The following SLC66A1 variants were observed in gnomAD, a reference collection of about 807,000 sequenced individuals.
SLC66A1 encodes solute carrier family 66 member 1, also known as lysosomal amino acid transporter 1 homolog.
Under a neutral mutation model 33.0 loss-of-function variants are expected in SLC66A1, and 23 were observed. The ratio of observed to expected loss-of-function variants is 0.70; its 90% CI spans 0.50 to 0.99. The LOEUF (loss-of-function observed/expected upper bound fraction) is 0.99. SLC66A1 is among the 50% of genes least tolerant of loss of function. SLC66A1 has a pLI of 0.00. For synonymous variants in SLC66A1, 164 were observed against 175.5 expected (o/e 0.93, Z 0.52); for missense variants, 335 against 383.6 (o/e 0.87, Z 1.06).
At position 19,317,721 on chromosome 1, in the gene SLC66A1, C is replaced by G; in HGVS notation, c.44C>G (p.Pro15Arg). ...KLGSRNFSSC[P>R]SGSIQWIWDV... is the part of the protein sequence containing the mutation. ...GGCTCCCGCAACTTCTCCAGCTGCC[C>G]CAGTGGCTCCATCCAGTGGATATGG... Residue 15 changes from proline to arginine, a missense_variant, in exon 2 of 8, where the codon CCC (proline) becomes CGC (arginine). Physicochemically the swap from Pro to Arg is moderately radical, Grantham distance 103. Coordinates refer to ENST00000375153, the MANE Select transcript of SLC66A1 (RefSeq NM_001040125.2). 6.2e-7 allele frequency: 1 copy of G among 1,614,184 alleles called. No homozygotes were observed. The highest frequency in any genetic ancestry group is 8.5e-7 in the Non-Finnish European group (1 of 1,180,016).
chr1:19,330,949 G>A (rs949452098), downstream of SLC66A1, among the ~76,000 whole-genome samples: 119 of 152,252 alleles, frequency 7.8e-4, no homozygotes, highest in African/African-American at 2.6e-3. Flanking sequence ...CCATGTGCGG[G>A]CTGCGCCGCC....
chr1:19,325,727 C>G (rs1316774160), intron 4 of SLC66A1, 145 bp downstream of exon 4: 3 of 722,302 alleles, frequency 4.2e-6, no homozygotes, highest in African/African-American at 3.6e-5. Context: ...CGGGCCTTAT[C>G]TAAGAGCCTG....
chr1:19,317,833 T>C lies in SLC66A1; in HGVS notation c.156T>C (p.Ser52=), dbSNP rs1268172471. The part of the protein sequence containing the change: ...GLISILCFAA[S]TFPQFIKAYK... ...TCTCCATTCTCTGCTTTGCTGCATC[T>C]ACCTTCCCGTGAGTAGTGTCTTGGT... The change falls in exon 2 of 8, where the codon TCT becomes TCC. Residue 52 remains serine, a synonymous_variant. Transcript: ENST00000375153. The C allele has an allele frequency of 6.2e-7, 1 of 1,613,508 alleles. No homozygotes were observed. Among genetic ancestry groups the C allele is most frequent in the African/African-American group, 1.3e-5 (1 of 74,902 alleles).
At chr1:19,330,250 G>T (rs2093888774), downstream of SLC66A1, among the ~76,000 whole-genome samples, 1 of 152,174 alleles carries the variant, frequency 6.6e-6, no homozygotes, top group Admixed American at 6.6e-5. Context: ...AACCCTAGCT[G>T]TGGAAAACCA....
downstream of SLC66A1, among the ~76,000 whole-genome samples, chr1:19,334,219 G>A (rs2093898984): frequency 6.6e-6 from 1 of 152,188 alleles, no homozygotes; most frequent in Admixed American, 6.5e-5. Flanking sequence ...TGAATGTTTG[G>A]TGAATGAGTA....
Position 19,317,811 on chromosome 1 carries a change from C to T in SLC66A1, c.134C>T (p.Ser45Phe). The change falls in exon 2 of 8, where the codon TCC (serine) becomes TTC (phenylalanine). Residue 45 changes from serine (S) to phenylalanine (F), a missense_variant. Physicochemically the swap from Ser to Phe is radical, Grantham distance 155. Coordinates refer to ENST00000375153, the MANE Select transcript of SLC66A1 (RefSeq NM_001040125.2). ...DEASVGLGLI[S>F]ILCFAASTFP... The stretch of plus-strand genomic sequence containing the variant: ...GCCAGCGTGGGCCTGGGCTTGATCT[C>T]CATTCTCTGCTTTGCTGCATCTACC... The T allele has an allele frequency of 1.2e-6, 2 of 1,614,116 alleles. No homozygotes were observed. The highest frequency in any genetic ancestry group is 1.7e-6 in the Non-Finnish European group (2 of 1,180,004).
Position 19,326,568 on chromosome 1 carries a change from G to C in SLC66A1, c.563G>C (p.Gly188Ala), listed in dbSNP as rs2093868521. ...TRQEVIGFVI[G>A]SISSVLYLLS... is the part of the protein sequence containing the mutation. ...CAGGAAGTCATTGGCTTCGTCATCGGCTCCATCTCCAGCGTGTTGTACCTG... is the reference window on the plus strand; with the variant it reads ...CAGGAAGTCATTGGCTTCGTCATCGCCTCCATCTCCAGCGTGTTGTACCTG... Residue 188 changes from glycine to alanine, a missense_variant, in exon 6 of 8, where the codon GGC becomes GCC. Gly to Ala is a moderately conservative substitution (Grantham distance 60, BLOSUM62 0). Transcript: ENST00000375153. 2 of 1,614,094 alleles carry C rather than the reference G, an allele frequency of 1.2e-6. No homozygotes were observed. The highest frequency in any genetic ancestry group is 1.7e-5 in the Admixed American group (1 of 60,008).
At chr1:19,321,618 G>C (rs2093838136) in intron 2 of SLC66A1, among the ~76,000 whole-genome samples, 1 of 148,042 alleles carries the variant, frequency 6.8e-6, no homozygotes, top group South Asian at 2.1e-4. Flanking sequence ...TCAGGCTGGA[G>C]TGCAGTGGTG....
chr1:19,320,952 A>C (rs2093833882), intron 2 of SLC66A1, among the ~76,000 whole-genome samples: 1 of 149,712 alleles, frequency 6.7e-6, no homozygotes, highest in Admixed American at 6.6e-5. Context: ...ATCTCAGGTG[A>C]TCTGCCTGCC....
Position 19,317,644 on chromosome 1 carries a change from G to C in SLC66A1, c.-34G>C. ...ACACCAGCGCCCTCCCTCCGGTGCA[G>C]CCCTGCCTGGCCGGGGGCCCCTCCT... On this transcript the variant is annotated 5_prime_UTR_variant, in exon 2 of 8. Transcript: ENST00000375153. 6.2e-7 allele frequency: 1 copy of C among 1,610,650 alleles called. No homozygotes were observed. The highest frequency in any genetic ancestry group is 1.1e-5 in the South Asian group (1 of 90,644).
At chr1:19,326,988 TG>T (rs1391352898) in intron 6 of SLC66A1, among the ~76,000 whole-genome samples, 3 of 151,756 alleles carry the variant, frequency 2.0e-5, no homozygotes, top group Admixed American at 1.3e-4. Flanking sequence ...CAGGGTGGTG[TG>T]GGGCCACAGG....
chr1:19,332,178 C>T (rs548416942), downstream of SLC66A1, among the ~76,000 whole-genome samples: 3 of 152,276 alleles, frequency 2.0e-5, no homozygotes, highest in South Asian at 2.1e-4. Flanking sequence ...GAGCTGGTGA[C>T]ATTCTGATGC....
intron 2 of SLC66A1, among the ~76,000 whole-genome samples, chr1:19,319,295 G>T (rs997295159): frequency 8.5e-5 from 13 of 152,086 alleles, no homozygotes; most frequent in African/African-American, 2.7e-4. Context: ...CATTTCTCCC[G>T]GAACCTCTCA....
chr1:19,331,007 TGGG>T (rs2093890847), downstream of SLC66A1, among the ~76,000 whole-genome samples: 2 of 151,862 alleles, frequency 1.3e-5, no homozygotes, highest in East Asian at 1.9e-4. Flanking sequence ...AGCTCTGAGA[TGGG>T]GGAGTTTTTA....
chr1:19,328,728 G>T lies in SLC66A1; in HGVS notation c.*85G>T. On this transcript the variant is annotated 3_prime_UTR_variant, in exon 8 of 8. Coordinates refer to ENST00000375153, the MANE Select transcript of SLC66A1 (RefSeq NM_001040125.2). This position sits in a 1 kb window ranked among gnomAD's most constrained non-coding sequence, Gnocchi z 4.7. ...AGGTGTGGACAGTGATGGTACGGCG[G>T]CCCTGCATCAGCCTGCGGGTGGCCT... The T allele has an allele frequency of 6.9e-7, 1 of 1,448,494 alleles. No individual in the cohort carries two copies. The highest frequency in any genetic ancestry group is 9.5e-7 in the Non-Finnish European group (1 of 1,054,218). The allele number at this position is 1,448,494 out of a possible 1,614,324, so 89.7% of individuals were successfully genotyped here.
chr1:19,317,948 G>T (rs759701421), intron 2 of SLC66A1, 107 bp downstream of exon 2: 5 of 1,481,232 alleles, frequency 3.4e-6, no homozygotes, highest in Non-Finnish European at 4.6e-6. Flanking sequence ...GGCCTCTCCA[G>T]ACTAGAGGCT....
At chr1:19,327,162 C>G (rs1558153694) in intron 6 of SLC66A1, 65 bp from the exon 7 acceptor site, 2 of 1,447,286 alleles carry the variant, frequency 1.4e-6, no homozygotes, top group Non-Finnish European at 1.9e-6. Flanking sequence ...GACATGTGGA[C>G]AGTTACAATC....
At chr1:19,326,697 A>G (rs1360685327) in intron 6 of SLC66A1, 74 bp downstream of exon 6, 1 of 1,467,702 alleles carries the variant, frequency 6.8e-7, no homozygotes, top group African/African-American at 1.4e-5. Context: ...CTCTGGGCTA[A>G]GGAGTAGCAC....
At position 19,328,595 on chromosome 1, in the gene SLC66A1, C is replaced by T. The variant is rs769956754; in HGVS notation, c.828C>T (p.Tyr276=). 2 of 1,613,682 alleles carry T rather than the reference C, an allele frequency of 1.2e-6. No individual in the cohort carries two copies. The highest frequency in any genetic ancestry group is 2.2e-5 in the East Asian group (1 of 44,876). Reference sequence around the variant, plus strand: ...AGATCTCCATCCAGTTCCTGGTGTACAGGCGCAGCACCGCCGCCTCGGAGC... The same window carrying T: ...AGATCTCCATCCAGTTCCTGGTGTATAGGCGCAGCACCGCCGCCTCGGAGC... ...DTIISIQFLV[Y]RRSTAASELE... The change falls in exon 8 of 8, where the codon TAC becomes TAT. Residue 276 remains tyrosine (Y), a synonymous_variant. Coordinates refer to ENST00000375153, the MANE Select transcript of SLC66A1 (RefSeq NM_001040125.2). The surrounding 1 kb of genome is among the most constrained non-coding windows in gnomAD (Gnocchi z 4.7).
Sources: allele counts gnomAD v4.1 joint callset (sites outside exome capture counted in the v4.1 genomes callset), GRCh38; gene constraint gnomAD v4.1.1; non-coding constraint Gnocchi (gnomAD v3.1); transcripts MANE v1.5; gene names NCBI Gene and HGNC (gene_info 2026-07-23, HGNC 2026-07-21).